Variants in SNED1 observed in about 807,000 individuals in gnomAD.
The protein encoded by SNED1 is sushi, nidogen and EGF like domains 1.
Under a neutral mutation model 166.7 loss-of-function variants are expected in SNED1, and 81 were observed. The observed-to-expected ratio is 0.49, with a 90% CI of 0.41 to 0.58. The LOEUF (loss-of-function observed/expected upper bound fraction) is 0.58, where lower values mean the gene tolerates loss of function less well. SNED1 is among the 20% of genes least tolerant of loss of function. The pLI, the probability that SNED1 is intolerant of heterozygous loss-of-function variation, is 0.00. For synonymous variants in SNED1, 762 were observed against 822.0 expected, an observed-to-expected ratio of 0.93 and a Z score of 1.25; for missense variants, 1,604 against 2,000.2, an observed-to-expected ratio of 0.80 and a Z score of 3.78.
At chr2:241,065,642 G>A (rs779930650) in intron 21 of SNED1, 47 bp downstream of exon 21, 10 of 1,554,464 alleles carry the variant, frequency 6.4e-6, no homozygotes, top group Admixed American at 1.8e-5. Flanking sequence ...CCTGCCCCTC[G>A]AGGGCAGCGC....
At chr2:241,043,488 C>A (rs1486519519) in intron 8 of SNED1, among the ~76,000 whole-genome samples, 2 of 151,784 alleles carry the variant, frequency 1.3e-5, no homozygotes, top group Non-Finnish European at 2.9e-5. Flanking sequence ...CACCAGCATA[C>A]CTGCATTACA....
chr2:241,031,699 C>T, intron 2 of SNED1, among the ~76,000 whole-genome samples: 1 of 152,252 alleles, frequency 6.6e-6, no homozygotes, highest in East Asian at 1.9e-4. Flanking sequence ...TCCGCCCTGT[C>T]CCCTAGACGG....
intron 1 of SNED1, among the ~76,000 whole-genome samples, chr2:241,029,293 T>G (rs986254687): frequency 1.6e-4 from 24 of 152,248 alleles, no homozygotes; most frequent in Non-Finnish European, 3.4e-4. Flanking sequence ...TGTATAGCTC[T>G]TGAGGCTGGG....
chr2:241,029,371 A>G (rs796615064), intron 1 of SNED1, among the ~76,000 whole-genome samples: 9 of 152,328 alleles, frequency 5.9e-5, no homozygotes, highest in African/African-American at 1.9e-4. Context: ...TGGGCCATAG[A>G]TGGCATCTTC....
rs762160226 is a variant in SNED1 at position 241,082,350 on chromosome 2, C to A, written c.4107C>A (p.Gly1369=). ...ETKAFPVWEG[G]VCHHVYKRVY... ...AGGCCTTTCCAGTCTGGGAGGGAGG[C>A]GTCTGTCACCACGTGTAAGTTGGTT... Residue 1369 remains glycine (G), a synonymous_variant, in exon 29 of 32, where the codon GGC becomes GGA. Transcript: ENST00000310397. 6.2e-7 allele frequency: 1 copy of A among 1,613,150 alleles called. No individual in the cohort carries two copies. Among genetic ancestry groups the A allele is most frequent in the African/African-American group, 1.3e-5 (1 of 75,028 alleles).
chr2:241,048,129 G>A (rs757825717), intron 8 of SNED1, among the ~76,000 whole-genome samples, 186 bp from the exon 9 acceptor site: 4 of 152,228 alleles, frequency 2.6e-5, no homozygotes, highest in Non-Finnish European at 4.4e-5. Flanking sequence ...AAGGAGCTGG[G>A]AGATGCTGAG....
rs2062359625 is a variant in SNED1, at chr2:241,064,519, C to T, written c.2600-325C>T. On this transcript the variant is annotated intron_variant, in intron 19 of 31. Transcript: ENST00000310397. The surrounding 1 kb of genome is among the most constrained non-coding windows in gnomAD (Gnocchi z 7.0). ...CTAATCAGCCCCCAGTGGGATACCTCCTGATGAGGCTTCCCTGACCACTGA... is the reference window on the plus strand; with the variant it reads ...CTAATCAGCCCCCAGTGGGATACCTTCTGATGAGGCTTCCCTGACCACTGA... Among the ~76,000 whole-genome samples the T allele has an allele frequency of 1.3e-5, 2 of 152,324 alleles. No individual in the cohort carries two copies. The highest frequency in any genetic ancestry group is 4.1e-4 in the South Asian group (2 of 4,828).
Position 241,091,356 on chromosome 2 carries a change from T to C in SNED1, c.*2-282T>C, listed in dbSNP as rs1012097800. ...CAGGCTGTGATTTCACATTTAAAAG[T>C]TGCAATGCTGAGCCCACATGTTCCT... On this transcript the variant is annotated intron_variant, in intron 31 of 31. Coordinates refer to ENST00000310397, the MANE Select transcript of SNED1 (RefSeq NM_001080437.3). The surrounding 1 kb of genome is among the most constrained non-coding windows in gnomAD (Gnocchi z 4.1). Among the ~76,000 whole-genome samples the C allele has an allele frequency of 1.3e-5, 2 of 152,188 alleles. No individual in the cohort carries two copies. The highest frequency in any genetic ancestry group is 2.9e-5 in the Non-Finnish European group (2 of 68,034).
At chr2:241,077,240 C>T (rs970182126) in intron 27 of SNED1, among the ~76,000 whole-genome samples, 2 of 152,090 alleles carry the variant, frequency 1.3e-5, no homozygotes, top group Admixed American at 6.6e-5. Context: ...AGGCCGGAGC[C>T]CTCGTACCAT....
At chr2:241,054,042 C>A (rs1401748956) in intron 16 of SNED1, among the ~76,000 whole-genome samples, 1 of 152,180 alleles carries the variant, frequency 6.6e-6, no homozygotes, top group Non-Finnish European at 1.5e-5. Flanking sequence ...CCCCCACATG[C>A]CCCGCAAAGC....
chr2:241,048,072 C>A (rs2061711369), intron 8 of SNED1, among the ~76,000 whole-genome samples: 1 of 152,220 alleles, frequency 6.6e-6, no homozygotes, highest in South Asian at 2.1e-4. Flanking sequence ...GCTTCTTGTT[C>A]TGTCCAATCC....
intron 11 of SNED1, 136 bp from the exon 12 acceptor site, chr2:241,049,681 C>A: frequency 1.5e-6 from 1 of 647,272 alleles, no homozygotes; most frequent in Non-Finnish European, 2.8e-6. Flanking sequence ...AAGATGCCCA[C>A]AGAGTGTATT....
At chr2:241,090,503 TATC>T (rs2063875561) in intron 31 of SNED1, 8 of 1,482,156 alleles carry the variant, frequency 5.4e-6, no homozygotes, top group South Asian at 4.0e-5. Context: ...CATCACAAAT[TATC>T]ATCAAGTATT....
chr2:241,071,206 C>G (rs528051814), intron 24 of SNED1, among the ~76,000 whole-genome samples: 144 of 152,302 alleles, frequency 9.5e-4, no homozygotes, highest in African/African-American at 3.3e-3. Flanking sequence ...CAGGAGGCCA[C>G]TGGGGAGAAG....
At chr2:241,025,065 G>T (rs1166061220) in intron 1 of SNED1, among the ~76,000 whole-genome samples, 1 of 152,152 alleles carries the variant, frequency 6.6e-6, no homozygotes, top group African/African-American at 2.4e-5. Context: ...CCAGTCCCTG[G>T]GGCTGCAGAC....
chr2:241,040,655 T>C (rs1234616762), intron 8 of SNED1, among the ~76,000 whole-genome samples: 1 of 152,162 alleles, frequency 6.6e-6, no homozygotes, highest in East Asian at 1.9e-4. Context: ...GGGTGCTGTG[T>C]GAGGCTGAGC....
rs1331407448 is a variant in SNED1, at chr2:241,048,896, C to CT, written c.1505-125dup. 4 of 1,180,202 alleles carry CT rather than the reference C, an allele frequency of 3.4e-6. No homozygotes were observed. In the East Asian group the frequency reaches 1.0e-4, roughly 30 times the overall value. The allele number at this position is 1,180,202 out of a possible 1,614,324, so 73.1% of individuals were successfully genotyped here. A position where few individuals can be genotyped will look rare whatever the true frequency, so the allele number is the denominator to read the frequency against. On this transcript the variant is annotated intron_variant, in intron 10 of 31. Transcript: ENST00000310397. ...TGGTTCTACCCCCACCCAGGAGGGACTGGCCACAAGAGTGCCTGAACCTGT... is the reference window on the plus strand; with the variant it reads ...TGGTTCTACCCCCACCCAGGAGGGACTTGGCCACAAGAGTGCCTGAACCTGT...
intron 1 of SNED1, among the ~76,000 whole-genome samples, chr2:241,008,793 G>A (rs1399837225): frequency 6.6e-6 from 1 of 152,238 alleles, no homozygotes; most frequent in African/African-American, 2.4e-5. Flanking sequence ...GGCCAGTCAG[G>A]GAGCACCAAG....
At chr2:241,079,406 C>A (rs1575104102) in intron 27 of SNED1, among the ~76,000 whole-genome samples, 1 of 141,678 alleles carries the variant, frequency 7.1e-6, no homozygotes, top group African/African-American at 2.7e-5. Context: ...AGTGAGACTC[C>A]ATCTCAAAAA....
Sources: allele counts gnomAD v4.1 joint callset (sites outside exome capture counted in the v4.1 genomes callset), GRCh38; gene constraint gnomAD v4.1.1; non-coding constraint Gnocchi (gnomAD v3.1); transcripts MANE v1.5; gene names NCBI Gene and HGNC (gene_info 2026-07-23, HGNC 2026-07-21).